MEF2C: variants seen among roughly 807,000 people sequenced by gnomAD.
MEF2C encodes the protein myocyte enhancer factor 2C.
MEF2C carries 6 observed loss-of-function variants against 50.5 expected under a neutral mutation model. That is an observed-to-expected ratio of 0.12 (90% CI 0.07 to 0.23). The LOEUF is 0.23. Among genes scored for constraint, MEF2C ranks in the 10% least tolerant of loss-of-function variants. The pLI is 1.00. For missense variants in MEF2C, 276 were observed against 605.0 expected, an observed-to-expected ratio of 0.46 and a Z score of 5.70; for synonymous variants, 183 against 228.0, an observed-to-expected ratio of 0.80 and a Z score of 1.78.
chr5:88,860,323 CTT>C (rs1186551762), intron 1 of MEF2C, among the ~76,000 whole-genome samples: 41 of 140,626 alleles, frequency 2.9e-4, no homozygotes, highest in Admixed American at 3.6e-4. Flanking sequence ...TATTTGTATG[CTT>C]TTTTTTTTTT....
chr5:88,774,322 A>G (rs1178626083), intron 3 of MEF2C, among the ~76,000 whole-genome samples: 3 of 149,522 alleles, frequency 2.0e-5, no homozygotes, highest in South Asian at 2.1e-4. Flanking sequence ...TTTTCTGCAA[A>G]TAAGTTTCTA....
At chr5:88,780,483 C>T (rs575564823) in intron 3 of MEF2C, among the ~76,000 whole-genome samples, 1 of 152,178 alleles carries the variant, frequency 6.6e-6, no homozygotes, top group South Asian at 2.1e-4. Context: ...TTCCCAGTAG[C>T]GATATACATT....
chr5:88,797,223 G>A (rs1307800991), intron 3 of MEF2C, among the ~76,000 whole-genome samples: 1 of 151,924 alleles, frequency 6.6e-6, no homozygotes, highest in African/African-American at 2.4e-5. Context: ...TTGACAGTGG[G>A]GTGTTAAAGT....
chr5:88,903,661 A>G (rs992234587), intron 1 of MEF2C, among the ~76,000 whole-genome samples: 12 of 152,142 alleles, frequency 7.9e-5, no homozygotes, highest in Admixed American at 4.6e-4. Flanking sequence ...CATCTTCCAA[A>G]TATTGAAAAC....
rs371542331 is a variant in MEF2C, at chr5:88,740,407, T to C, written c.638-8506A>G. ...TTCCAAAGATTGAGAGTCCATCAAG[T>C]AGGTTTGTGTTGGCGAACATTTTCT... On this transcript the variant is annotated intron_variant, in intron 6 of 10. Transcript: ENST00000504921. 692 of 985,316 alleles carry C rather than the reference T, an allele frequency of 7.0e-4. 11 individuals carry two copies. In the South Asian group the frequency reaches 0.027, roughly 38 times the overall value. The allele number at this position is 985,316 out of a possible 1,614,324, so 61.0% of individuals were successfully genotyped here.
chr5:88,839,334 T>TCC (rs1816412640), intron 1 of MEF2C: 1 of 131,542 alleles, frequency 7.6e-6, no homozygotes, highest in African/African-American at 3.3e-5. Flanking sequence ...TCTCTCTCTC[T>TCC]CTCTCTCTCT....
intron 1 of MEF2C, among the ~76,000 whole-genome samples, chr5:88,845,503 C>G (rs1231581131): frequency 6.6e-6 from 1 of 152,100 alleles, no homozygotes; most frequent in Non-Finnish European, 1.5e-5. Flanking sequence ...ATTACAACAG[C>G]AGTAGAAGTT....
chr5:88,895,179 T>C (rs1834991409), intron 1 of MEF2C, among the ~76,000 whole-genome samples: 2 of 152,216 alleles, frequency 1.3e-5, no homozygotes, highest in Admixed American at 1.3e-4. Flanking sequence ...GATGTTTTCT[T>C]TTCTGTCAGT....
At chr5:88,833,688 C>A (rs1251051325) in intron 1 of MEF2C, among the ~76,000 whole-genome samples, 2 of 152,042 alleles carry the variant, frequency 1.3e-5, no homozygotes, top group Non-Finnish European at 2.9e-5. Flanking sequence ...GATTAAAGAC[C>A]CAGTGCAGCT....
intron 10 of MEF2C, among the ~76,000 whole-genome samples, chr5:88,723,921 A>C (rs1757418140): frequency 6.6e-6 from 1 of 152,200 alleles, no homozygotes; most frequent in Admixed American, 6.5e-5. Context: ...GGAATTCTAG[A>C]GGAAAAAAGT....
chr5:88,879,004 C>A (rs547345046), intron 1 of MEF2C, among the ~76,000 whole-genome samples: 2 of 151,946 alleles, frequency 1.3e-5, no homozygotes, highest in Non-Finnish European at 1.5e-5. Context: ...CCTGCAAGTG[C>A]GTGCCACAAA....
At chr5:88,806,982 C>T (rs759294737) in intron 2 of MEF2C, among the ~76,000 whole-genome samples, 1 of 152,066 alleles carries the variant, frequency 6.6e-6, no homozygotes, top group Admixed American at 6.5e-5. Context: ...GTGAAATCTT[C>T]AGAAAGATAC....
At position 88,847,745 on chromosome 5, in the gene MEF2C, C is replaced by A. The variant is rs1819846029; in HGVS notation, c.-142-23815G>T. 1.3e-5 allele frequency among the ~76,000 whole-genome samples: 2 copies of A among 152,012 alleles called. 1 individual carries two copies. The highest frequency in any genetic ancestry group is 4.1e-4 in the South Asian group (2 of 4,824). On this transcript the variant is annotated intron_variant, in intron 1 of 10. Transcript: ENST00000504921. ...AAAGGGAGAGAGAATAATCCCAGGA[C>A]CTCTAGATAGAATTTTAACATGTGA...
At chr5:88,817,489 A>G (rs1581162694) in intron 2 of MEF2C, among the ~76,000 whole-genome samples, 1 of 151,972 alleles carries the variant, frequency 6.6e-6, no homozygotes, top group African/African-American at 2.4e-5. Flanking sequence ...AGATGGGGAC[A>G]TAAGAAGAGG....
rs529723827 is a variant in MEF2C, at chr5:88,809,535, G to A, written c.55-4734C>T. 3.3e-5 allele frequency among the ~76,000 whole-genome samples: 5 copies of A among 152,006 alleles called. No individual in the cohort carries two copies. The South Asian group carries it at 8.3e-4, about 25-fold the overall frequency. ...AAAAAAAGTCATTTAATTCCATAAC[G>A]TTTAAAAGGAATTTTCTTTATTTGG... On this transcript the variant is annotated intron_variant, in intron 2 of 10. Transcript: ENST00000504921.
chr5:88,830,300 A>C (rs1812543608), intron 1 of MEF2C, among the ~76,000 whole-genome samples: 2 of 152,006 alleles, frequency 1.3e-5, no homozygotes, highest in East Asian at 3.9e-4. Context: ...CCCCAAGGAC[A>C]AAAAGAGATG....
intron 6 of MEF2C, among the ~76,000 whole-genome samples, chr5:88,748,541 T>C (rs1771075535): frequency 6.6e-6 from 1 of 152,254 alleles, no homozygotes; most frequent in African/African-American, 2.4e-5. Context: ...AAATATATTT[T>C]AGGGTCTTTT....
chr5:88,756,756 T>A (rs1360023631), intron 4 of MEF2C, among the ~76,000 whole-genome samples: 7 of 151,910 alleles, frequency 4.6e-5, no homozygotes, highest in African/African-American at 1.7e-4. Context: ...CTTTTCAAAA[T>A]TAGGAAACTT....
At chr5:88,749,145 G>A (rs1290665923) in intron 5 of MEF2C, 28 bp from the exon 6 acceptor site, 41 of 1,549,428 alleles carry the variant, frequency 2.6e-5, no homozygotes, top group Non-Finnish European at 3.3e-5. Context: ...AGATCAAAAC[G>A]AGAAAGGCTA....
Sources: gnomAD v4.1 joint callset for allele counts (sites outside exome capture counted in the v4.1 genomes callset) on GRCh38, gnomAD v4.1.1 for gene constraint, MANE v1.5 for transcripts, NCBI Gene and HGNC (gene_info 2026-07-23, HGNC 2026-07-21) for gene names.